The following EPB41L4A variants were observed in gnomAD, a reference collection of about 807,000 sequenced individuals.
EPB41L4A encodes band 4.1-like protein 4A.
Under a neutral mutation model 108.6 loss-of-function variants are expected in EPB41L4A, and 100 were observed. The observed-to-expected ratio is 0.92, with a 90% CI of 0.78 to 1.09. The LOEUF is 1.09. Ranked by LOEUF, EPB41L4A falls within the 50% of genes least tolerant of loss-of-function variation. The pLI, the probability that EPB41L4A is intolerant of heterozygous loss-of-function variation, is 0.00. For synonymous variants in EPB41L4A, 319 were observed against 289.0 expected, an observed-to-expected ratio of 1.10 and a Z score of -1.05; for missense variants, 1,030 against 842.7, an observed-to-expected ratio of 1.22 and a Z score of -2.75.
intron 17 of EPB41L4A, among the ~76,000 whole-genome samples, chr5:112,185,107 T>TC (rs1761360752): frequency 7.6e-6 from 1 of 131,178 alleles, no homozygotes; most frequent in African/African-American, 2.9e-5. Flanking sequence ...TTTTTTTTTT[T>TC]GGCAAAACGG....
chr5:112,377,210 T>C (rs1321076630), intron 1 of EPB41L4A, among the ~76,000 whole-genome samples: 2 of 143,656 alleles, frequency 1.4e-5, no homozygotes, highest in Non-Finnish European at 3.0e-5. Context: ...GTTGTCTGTT[T>C]GTTTGAAAAA....
At chr5:112,417,471 T>C (rs1762782686) in intron 1 of EPB41L4A, among the ~76,000 whole-genome samples, 1 of 152,254 alleles carries the variant, frequency 6.6e-6, no homozygotes, top group South Asian at 2.1e-4. Flanking sequence ...ATCTATATAT[T>C]ATCTACAATT....
chr5:112,283,953 A>G (rs1753118949), intron 2 of EPB41L4A, among the ~76,000 whole-genome samples: 1 of 152,244 alleles, frequency 6.6e-6, no homozygotes, highest in African/African-American at 2.4e-5. Flanking sequence ...CTTTCTCAAA[A>G]TACATAAATG....
At chr5:112,204,738 C>T (rs1424368071) in intron 14 of EPB41L4A, 1 of 360,212 alleles carries the variant, frequency 2.8e-6, no homozygotes, top group African/African-American at 2.0e-5. Flanking sequence ...AAAATGAACA[C>T]ACACAAATAA....
At chr5:112,352,015 T>C (rs550644850) in intron 1 of EPB41L4A, among the ~76,000 whole-genome samples, 96 of 152,276 alleles carry the variant, frequency 6.3e-4, no homozygotes, top group African/African-American at 2.2e-3. Context: ...ATAACGGCCA[T>C]GTATGACAGA....
intron 1 of EPB41L4A, among the ~76,000 whole-genome samples, chr5:112,339,144 A>G (rs778001725): frequency 5.3e-5 from 8 of 152,130 alleles, no homozygotes; most frequent in Non-Finnish European, 8.8e-5. Context: ...GAATTGCACA[A>G]TAGGAGCTTT....
chr5:112,419,856 C>A, upstream of EPB41L4A: 1 of 456,792 alleles, frequency 2.2e-6, no homozygotes, highest in Non-Finnish European at 4.4e-6. Context: ...CAAGTTCAAG[C>A]TCTCCCTCCG....
chr5:112,276,277 T>A (rs988209121), intron 3 of EPB41L4A, among the ~76,000 whole-genome samples: 1 of 152,216 alleles, frequency 6.6e-6, no homozygotes, highest in Non-Finnish European at 1.5e-5. Context: ...CTACAAACTT[T>A]TTTTTAAAAT....
At chr5:112,299,368 A>AT (rs1454876331) in intron 2 of EPB41L4A, among the ~76,000 whole-genome samples, 1 of 152,050 alleles carries the variant, frequency 6.6e-6, no homozygotes, top group East Asian at 1.9e-4. Flanking sequence ...AGTTTGAAGA[A>AT]TTTTTTCCAC....
chr5:112,312,845 T>G (rs1755136351), intron 1 of EPB41L4A, among the ~76,000 whole-genome samples: 1 of 152,204 alleles, frequency 6.6e-6, no homozygotes, highest in African/African-American at 2.4e-5. Flanking sequence ...GCCAATATTT[T>G]GCAGTTCAGG....
chr5:112,203,454 T>C (rs1212684173), intron 15 of EPB41L4A, among the ~76,000 whole-genome samples: 2 of 152,180 alleles, frequency 1.3e-5, no homozygotes, highest in African/African-American at 2.4e-5. Context: ...GTCCCTGCCA[T>C]GTAGGAGTGA....
rs75231210 is a variant in EPB41L4A at position 112,340,608 on chromosome 5, C to A, written c.100-33118G>T. On this transcript the variant is annotated intron_variant, in intron 1 of 22. Coordinates refer to ENST00000261486, the MANE Select transcript of EPB41L4A (RefSeq NM_022140.5). ...AAATAGCAATAAAAACAGATCCCTG[C>A]TCTGTAGAACATCAATTTTTAAATG... Among the ~76,000 whole-genome samples, 519 of 152,246 alleles carry A rather than the reference C, an allele frequency of 3.4e-3. 1 individual carries two copies. The highest frequency in any genetic ancestry group is 0.012 in the African/African-American group (482 of 41,544).
At chr5:112,245,882 C>A (rs1393491298) in intron 9 of EPB41L4A, among the ~76,000 whole-genome samples, 1 of 152,110 alleles carries the variant, frequency 6.6e-6, no homozygotes, top group Non-Finnish European at 1.5e-5. Flanking sequence ...GTCAGAGAGG[C>A]TGGGAAGAGA....
intron 1 of EPB41L4A, among the ~76,000 whole-genome samples, chr5:112,346,523 G>A (rs533812370): frequency 8.6e-5 from 13 of 151,978 alleles, no homozygotes; most frequent in South Asian, 2.1e-4. Flanking sequence ...CGCCCAGCCT[G>A]TATGCTCTTA....
At chr5:112,259,343 C>T in intron 8 of EPB41L4A, 51 bp from the exon 9 acceptor site, 3 of 1,475,328 alleles carry the variant, frequency 2.0e-6, no homozygotes, top group Non-Finnish European at 2.8e-6. Flanking sequence ...ATTAACCTTT[C>T]AGAAAATCAG....
At position 112,266,291 on chromosome 5, in the gene EPB41L4A, C is replaced by G. The variant is rs768944175; in HGVS notation, c.375G>C (p.Gln125His). 1.6e-5 allele frequency: 26 copies of G among 1,610,050 alleles called. No individual in the cohort carries two copies. Among genetic ancestry groups the G allele is most frequent in the Middle Eastern group, 3.3e-4 (2 of 6,024 alleles). Reference protein sequence around the residue: ...FFLQVKQDVLQGRLPCPVNTA... With the variant: ...FFLQVKQDVLHGRLPCPVNTA... ...TGTTGACGGGACAGGGCAGACGGCC[C>G]TGAAGGACATCTTGCTTCACCTGCA... Residue 125 changes from glutamine (Q) to histidine (H), a missense_variant, in exon 5 of 23, where the codon CAG (glutamine) becomes CAC (histidine). Physicochemically the swap from Gln to His is conservative, Grantham distance 24. Coordinates refer to ENST00000261486, the MANE Select transcript of EPB41L4A (RefSeq NM_022140.5).
intron 12 of EPB41L4A, among the ~76,000 whole-genome samples, chr5:112,220,469 G>C (rs1184449381): frequency 6.6e-6 from 1 of 152,090 alleles, no homozygotes; most frequent in Non-Finnish European, 1.5e-5. Flanking sequence ...CTTTTCTTTT[G>C]CAAAATGGAA....
intron 1 of EPB41L4A, among the ~76,000 whole-genome samples, chr5:112,340,943 T>C (rs912999647): frequency 6.6e-6 from 1 of 152,162 alleles, no homozygotes; most frequent in Non-Finnish European, 1.5e-5. Flanking sequence ...TTTCTTTCCC[T>C]CTATCAAACA....
chr5:112,177,132 G>GT (rs1354333317), intron 18 of EPB41L4A, among the ~76,000 whole-genome samples: 3 of 151,984 alleles, frequency 2.0e-5, no homozygotes, highest in African/African-American at 7.3e-5. Context: ...CACTTTGGCC[G>GT]TATCAGCTGA....
Sources: allele counts gnomAD v4.1 joint callset (sites outside exome capture counted in the v4.1 genomes callset), GRCh38; gene constraint gnomAD v4.1.1; transcripts MANE v1.5; gene names NCBI Gene and HGNC (gene_info 2026-07-23, HGNC 2026-07-21).